DLG1: variants seen among roughly 807,000 people sequenced by gnomAD.
DLG1 encodes the protein disks large homolog 1.
DLG1 carries 42 observed loss-of-function variants against 123.4 expected under a neutral mutation model. That is an observed-to-expected ratio of 0.34 (90% CI 0.27 to 0.44). The LOEUF is 0.44. Ranked by LOEUF, DLG1 falls within the 20% of genes least tolerant of loss-of-function variation. DLG1 has a pLI of 1.00. For missense variants in DLG1, 942 were observed against 1,082.6 expected (o/e 0.87, Z 1.82); for synonymous variants, 317 against 356.2 (o/e 0.89, Z 1.24).
At chr3:197,069,805 C>T (rs1302580002) in intron 18 of DLG1, 1 of 152,122 alleles carries the variant, frequency 6.6e-6, no homozygotes, top group Non-Finnish European at 1.5e-5. Context: ...ATTCAGATGT[C>T]TCAGCTGGAA....
At chr3:197,067,551 G>GTTTTTTTTTTTTTT (rs199907948) in intron 19 of DLG1, among the ~76,000 whole-genome samples, 1 of 107,380 alleles carries the variant, frequency 9.3e-6, no homozygotes, top group African/African-American at 4.0e-5. Context: ...AACTCTGAGA[G>GTTTTTTTTTTTTTT]TTTTTTTTTT....
At chr3:197,264,664 C>T (rs533945649) in intron 4 of DLG1, among the ~76,000 whole-genome samples, 7 of 152,042 alleles carry the variant, frequency 4.6e-5, no homozygotes, top group African/African-American at 1.2e-4. Flanking sequence ...TGACCTCAGG[C>T]GATCCACCTG....
At chr3:197,097,592 T>G (rs949912877) in intron 14 of DLG1, among the ~76,000 whole-genome samples, 1 of 147,744 alleles carries the variant, frequency 6.8e-6, no homozygotes, top group African/African-American at 2.5e-5. Context: ...TTTTTTTTTT[T>G]TTTTTTGAGA....
intron 9 of DLG1, among the ~76,000 whole-genome samples, chr3:197,137,755 A>C (rs1288186126): frequency 6.6e-6 from 1 of 152,106 alleles, no homozygotes; most frequent in African/African-American, 2.4e-5. Flanking sequence ...GAACTGCTTG[A>C]GCCCAGGAGT....
intron 19 of DLG1, 42 bp downstream of exon 19, chr3:197,069,176 AT>A: frequency 7.0e-7 from 1 of 1,427,164 alleles, no homozygotes; most frequent in Non-Finnish European, 9.7e-7. Context: ...CAGAGGATGT[AT>A]TACTCGAGAT....
chr3:197,158,463 A>T (rs1232484055), intron 5 of DLG1, among the ~76,000 whole-genome samples: 3 of 8,772 alleles, frequency 3.4e-4, no homozygotes, highest in East Asian at 0.011. Flanking sequence ...TCTCTACTTA[A>T]AAAAAAAAAA....
At chr3:197,294,570 A>ATGGCG (rs1188043270) in intron 3 of DLG1, among the ~76,000 whole-genome samples, 1 of 151,026 alleles carries the variant, frequency 6.6e-6, no homozygotes. Context: ...AGGCAGGAGA[A>ATGGCG]TGGCGTGAAC....
In DLG1 at chr3:197,256,973, A is replaced by AAAATT. The variant is rs371941880; in HGVS notation, c.318+25701_318+25705dup. Among the ~76,000 whole-genome samples, 562 of 152,308 alleles carry AAAATT rather than the reference A, an allele frequency of 3.7e-3. 4 individuals carry two copies. Among genetic ancestry groups the AAAATT allele is most frequent in the African/African-American group, 0.012 (493 of 41,582 alleles). On this transcript the variant is annotated intron_variant, in intron 4 of 24. Coordinates refer to ENST00000667157, the MANE Select transcript of DLG1 (RefSeq NM_001366207.1). The stretch of plus-strand genomic sequence containing the variant: ...AACACAGTAATATGATCTACACTAA[A>AAAATT]AAATTCTATTACAGGTTACTGAACA...
rs35146159 is a variant in DLG1, at chr3:197,125,973, TA to T, written c.1165+4553del. ...AACTGACAAGTAAAACTCACTTATG[TA>T]AAAAAAATTTAAACACAAGTGCTTT... On this transcript the variant is annotated intron_variant, in intron 11 of 24. Transcript: ENST00000667157. Among the ~76,000 whole-genome samples the T allele has an allele frequency of 7.9e-5, 12 of 152,124 alleles. No homozygotes were observed. The East Asian group carries it at 2.1e-3, about 27-fold the overall frequency.
intron 15 of DLG1, among the ~76,000 whole-genome samples, chr3:197,089,763 T>C (rs1484079240): frequency 6.6e-6 from 1 of 152,110 alleles, no homozygotes; most frequent in Non-Finnish European, 1.5e-5. Flanking sequence ...AAATCCATGT[T>C]CTTCCTTCTT....
chr3:197,056,423 C>A lies in DLG1; in HGVS notation c.2483+3466G>T, dbSNP rs146633822. On this transcript the variant is annotated intron_variant, in intron 23 of 24. Coordinates refer to ENST00000667157, the MANE Select transcript of DLG1 (RefSeq NM_001366207.1). ...TAGTCATAATTAAGACTGACTTTAT[C>A]ATTTTCCTTTCCTATATAGTCCCTT... Among the ~76,000 whole-genome samples the A allele has an allele frequency of 2.3e-3, 345 of 152,300 alleles. 2 individuals carry two copies. The highest frequency in any genetic ancestry group is 3.6e-3 in the Non-Finnish European group (244 of 68,022).
chr3:197,177,859 A>T (rs1285621890), intron 5 of DLG1, among the ~76,000 whole-genome samples: 1 of 152,094 alleles, frequency 6.6e-6, no homozygotes, highest in South Asian at 2.1e-4. Flanking sequence ...CAGTTAGAGA[A>T]CTATTACAAT....
chr3:197,051,693 A>ATAATTTGG, intron 23 of DLG1, 25 bp from the exon 24 acceptor site: 1 of 1,536,992 alleles, frequency 6.5e-7, no homozygotes. Context: ...GTAGAAATTG[A>ATAATTTGG]TAATTACCAA....
At position 197,131,633 on chromosome 3, in the gene DLG1, G is replaced by T. The variant is rs1295482358; in HGVS notation, c.1021-962C>A. Among the ~76,000 whole-genome samples, 35 of 110,534 alleles carry T rather than the reference G, an allele frequency of 3.2e-4. No individual in the cohort carries two copies. In the East Asian group the frequency reaches 0.01, roughly 32 times the overall value. The allele number at this position is 110,534 out of a possible 152,430, so 72.5% of individuals were successfully genotyped here. ...TTTTGAGACGGAGTCTCGCTCTGTC[G>T]CCCAGGCTGGAGTGCAGTGGCGGGA... On this transcript the variant is annotated intron_variant, in intron 10 of 24. Transcript: ENST00000667157.
Position 197,044,650 on chromosome 3 carries a change from G to T in DLG1, c.2655C>A (p.Ile885=). 2 of 1,609,356 alleles carry T rather than the reference G, an allele frequency of 1.2e-6. No individual in the cohort carries two copies. The highest frequency in any genetic ancestry group is 1.7e-6 in the Non-Finnish European group (2 of 1,177,190). The stretch of plus-strand genomic sequence containing the variant: ...ATAGCTTTTCTTTTGCCGGAACCCA[G>T]ATGTAAGAACCAGATTGTTCTTCTA... ...QIIEEQSGSY[I]WVPAKEKL is the part of the protein sequence containing the mutation. Residue 885 remains isoleucine (I), a synonymous_variant, in exon 25 of 25, where the codon ATC becomes ATA. Coordinates refer to ENST00000667157, the MANE Select transcript of DLG1 (RefSeq NM_001366207.1).
intron 5 of DLG1, among the ~76,000 whole-genome samples, chr3:197,180,067 T>TTTG (rs1491312070): frequency 1.1e-5 from 1 of 87,818 alleles, no homozygotes; most frequent in Non-Finnish European, 2.2e-5. Flanking sequence ...GTTTTTTTTT[T>TTTG]GGGGGGGGGG....
At chr3:197,072,554 C>T (rs1744621053) in intron 18 of DLG1, among the ~76,000 whole-genome samples, 1 of 151,924 alleles carries the variant, frequency 6.6e-6, no homozygotes, top group Non-Finnish European at 1.5e-5. Flanking sequence ...AGCACTCTTG[C>T]CCAGTTTTCT....
At chr3:197,218,676 A>C (rs1031046971) in intron 4 of DLG1, among the ~76,000 whole-genome samples, 14 of 152,240 alleles carry the variant, frequency 9.2e-5, no homozygotes, top group Non-Finnish European at 1.9e-4. Context: ...CTATATTCAA[A>C]AAATCAGTAA....
chr3:197,287,194 G>C (rs575136263), intron 3 of DLG1, among the ~76,000 whole-genome samples: 1 of 152,034 alleles, frequency 6.6e-6, no homozygotes, highest in Non-Finnish European at 1.5e-5. Context: ...AGGGAAGTGG[G>C]GCTTTGGGAT....
Sources: gnomAD v4.1 joint callset for allele counts (sites outside exome capture counted in the v4.1 genomes callset) on GRCh38, gnomAD v4.1.1 for gene constraint, MANE v1.5 for transcripts, NCBI Gene and HGNC (gene_info 2026-07-23, HGNC 2026-07-21) for gene names.